CHST9: variants seen among roughly 807,000 people sequenced by gnomAD.
The protein encoded by CHST9 is carbohydrate sulfotransferase 9, also known as GalNAc-4-sulfotransferase 2.
A neutral mutation model predicts 44.4 loss-of-function variants in CHST9; 41 were observed. That is an observed-to-expected ratio of 0.92 (90% CI 0.72 to 1.20). The LOEUF is 1.20. Among genes scored for constraint, CHST9 ranks in the 50% most tolerant of loss-of-function variants. The pLI is 0.00. For synonymous variants in CHST9, 171 were observed against 178.4 expected (o/e 0.96, Z 0.33); for missense variants, 504 against 516.5 (o/e 0.98, Z 0.23).
Position 26,916,119 on chromosome 18 carries a change from C to T in CHST9, c.*140G>A, listed in dbSNP as rs1047659612. The T allele has an allele frequency of 1.3e-5, 9 of 689,946 alleles. No individual in the cohort carries two copies. Among genetic ancestry groups the T allele is most frequent in the Non-Finnish European group, 1.9e-5 (8 of 418,612 alleles). 42.7% of individuals were successfully genotyped at this position (689,946 alleles called of 1,614,324 possible). A position where few individuals can be genotyped will look rare whatever the true frequency, so the allele number is the denominator to read the frequency against. On this transcript the variant is annotated 3_prime_UTR_variant, in exon 6 of 6. Coordinates refer to ENST00000618847, the MANE Select transcript of CHST9 (RefSeq NM_031422.6). ...TAACTTTGTGCCAATTGGTGTCATACTATTTGGTAAAAATCTACATTAAAT... is the reference window on the plus strand; with the variant it reads ...TAACTTTGTGCCAATTGGTGTCATATTATTTGGTAAAAATCTACATTAAAT...
intron 2 of CHST9, among the ~76,000 whole-genome samples, chr18:27,089,348 C>T (rs990712634): frequency 6.8e-6 from 1 of 147,252 alleles, no homozygotes; most frequent in African/African-American, 2.5e-5. Context: ...CAAGTGTTCT[C>T]ATTGTTCAAT....
intron 1 of CHST9, among the ~76,000 whole-genome samples, chr18:27,157,678 A>G (rs1278420991): frequency 6.6e-6 from 1 of 152,208 alleles, no homozygotes; most frequent in Non-Finnish European, 1.5e-5. Flanking sequence ...AAAATTCCAA[A>G]GTAACTGCCT....
In CHST9 at chr18:26,982,996, C is replaced by T. The variant is rs527509258; in HGVS notation, c.203-38630G>A. Among the ~76,000 whole-genome samples, 24 of 152,154 alleles carry T rather than the reference C, an allele frequency of 1.6e-4. 1 individual carries two copies. In the South Asian group the frequency reaches 5.0e-3, roughly 32 times the overall value. On this transcript the variant is annotated intron_variant, in intron 4 of 5. Coordinates refer to ENST00000618847, the MANE Select transcript of CHST9 (RefSeq NM_031422.6). ...GAAGGACTGAGGAACTGAATATAGACCTCTAAGTGTGTGACCATCTGTGTA... is the reference window on the plus strand; with the variant it reads ...GAAGGACTGAGGAACTGAATATAGATCTCTAAGTGTGTGACCATCTGTGTA...
intron 4 of CHST9, among the ~76,000 whole-genome samples, chr18:26,979,856 C>G (rs939625399): frequency 2.6e-5 from 4 of 152,132 alleles, no homozygotes; most frequent in Admixed American, 2.6e-4. Flanking sequence ...AAAAATTCCT[C>G]AATTGCTGGT....
intron 1 of CHST9, among the ~76,000 whole-genome samples, chr18:27,184,544 C>T (rs988225645): frequency 7.2e-5 from 11 of 152,006 alleles, no homozygotes; most frequent in African/African-American, 1.9e-4. Flanking sequence ...TGGCCACGAT[C>T]GCACCTGGCC....
At chr18:27,082,832 C>A (rs941069527) in intron 2 of CHST9, among the ~76,000 whole-genome samples, 1 of 152,154 alleles carries the variant, frequency 6.6e-6, no homozygotes, top group Non-Finnish European at 1.5e-5. Context: ...AGAAAATTTT[C>A]TCTAAATGCT....
intron 4 of CHST9, among the ~76,000 whole-genome samples, chr18:27,017,610 G>T (rs950494720): frequency 6.6e-6 from 1 of 152,172 alleles, no homozygotes; most frequent in African/African-American, 2.4e-5. Flanking sequence ...GGTAGAAGAA[G>T]GGTAGGGAGG....
intron 4 of CHST9, among the ~76,000 whole-genome samples, chr18:26,966,526 T>G (rs1277334775): frequency 6.6e-6 from 1 of 152,224 alleles, no homozygotes; most frequent in Non-Finnish European, 1.5e-5. Context: ...ACTTCTGGAT[T>G]TAAACGTCTT....
At chr18:26,990,868 C>G (rs1231429378) in intron 4 of CHST9, among the ~76,000 whole-genome samples, 1 of 152,184 alleles carries the variant, frequency 6.6e-6, no homozygotes, top group Admixed American at 6.5e-5. Flanking sequence ...CTTCCCTTCC[C>G]TTCCTCCTTC....
intron 2 of CHST9, among the ~76,000 whole-genome samples, chr18:27,080,175 C>T (rs893674643): frequency 6.6e-6 from 1 of 151,908 alleles, no homozygotes; most frequent in Non-Finnish European, 1.5e-5. Context: ...ACTAAAATGA[C>T]CATAAAACAA....
At chr18:27,048,011 G>T (rs1470739368) in intron 3 of CHST9, among the ~76,000 whole-genome samples, 1 of 152,188 alleles carries the variant, frequency 6.6e-6, no homozygotes, top group African/African-American at 2.4e-5. Context: ...GAATTTAGAA[G>T]TGAAGGCATT....
In CHST9 at chr18:26,959,072, C is replaced by T. The variant is rs182176747; in HGVS notation, c.203-14706G>A. Among the ~76,000 whole-genome samples the T allele has an allele frequency of 5.9e-5, 9 of 152,286 alleles. No homozygotes were observed. The East Asian group carries it at 1.7e-3, about 29-fold the overall frequency. ...GCAAGACATGAAATCAACCTAGGTGCCCATCAATAGTGGATTGGATAAAGA... is the reference window on the plus strand; with the variant it reads ...GCAAGACATGAAATCAACCTAGGTGTCCATCAATAGTGGATTGGATAAAGA... On this transcript the variant is annotated intron_variant, in intron 4 of 5. Transcript: ENST00000618847.
chr18:26,994,801 C>T (rs933771537), intron 4 of CHST9, among the ~76,000 whole-genome samples: 1 of 152,072 alleles, frequency 6.6e-6, no homozygotes, highest in African/African-American at 2.4e-5. Flanking sequence ...GTTGCCCAGG[C>T]TGGTATCAAA....
At chr18:27,092,317 A>G (rs1010015075) in intron 2 of CHST9, among the ~76,000 whole-genome samples, 1 of 151,892 alleles carries the variant, frequency 6.6e-6, no homozygotes, top group Non-Finnish European at 1.5e-5. Flanking sequence ...TGTTGCATCT[A>G]TTTGATTCTT....
chr18:27,166,349 A>G (rs1400126639), intron 1 of CHST9, among the ~76,000 whole-genome samples: 1 of 152,172 alleles, frequency 6.6e-6, no homozygotes, highest in African/African-American at 2.4e-5. Flanking sequence ...TATCATTCAT[A>G]CCTGTCCCTC....
At chr18:26,984,729 CAAAAA>C (rs200222761) in intron 4 of CHST9, among the ~76,000 whole-genome samples, 1 of 61,726 alleles carries the variant, frequency 1.6e-5, no homozygotes, top group East Asian at 5.4e-4. Flanking sequence ...TACCAAAAGA[CAAAAA>C]AAAAAAAAAA....
chr18:27,043,298 C>A (rs1179205244), intron 3 of CHST9, among the ~76,000 whole-genome samples: 1 of 152,040 alleles, frequency 6.6e-6, no homozygotes, highest in Non-Finnish European at 1.5e-5. Context: ...GGCAAATCTG[C>A]ATCTCTCTGA....
At chr18:27,104,761 A>G (rs1474491751) in intron 2 of CHST9, among the ~76,000 whole-genome samples, 1 of 152,202 alleles carries the variant, frequency 6.6e-6, no homozygotes, top group Non-Finnish European at 1.5e-5. Flanking sequence ...GTGTAATCAT[A>G]TTAGGACAAA....
intron 5 of CHST9, chr18:26,936,130 TA>T (rs965275741): frequency 1.3e-5 from 2 of 152,166 alleles, no homozygotes; most frequent in African/African-American, 4.8e-5. Context: ...GGATCTGCCT[TA>T]GGGGATGTAG....
Sources: allele counts gnomAD v4.1 joint callset (sites outside exome capture counted in the v4.1 genomes callset), GRCh38; gene constraint gnomAD v4.1.1; transcripts MANE v1.5; gene names NCBI Gene and HGNC (gene_info 2026-07-23, HGNC 2026-07-21).